ELOVL2: variants seen among roughly 807,000 people sequenced by gnomAD.
ELOVL2 encodes the protein ELOVL fatty acid elongase 2.
A neutral mutation model predicts 37.7 loss-of-function variants in ELOVL2; 38 were observed. That is an observed-to-expected ratio of 1.01 (90% confidence interval 0.78 to 1.32). The LOEUF is 1.32. Among genes scored for constraint, ELOVL2 ranks in the 40% most tolerant of loss-of-function variants. The probability of loss-of-function intolerance (pLI) is 0.00; values close to 1 mark genes in which losing one functional copy is unlikely to be tolerated. For missense variants in ELOVL2, 352 were observed against 363.6 expected, an observed-to-expected ratio of 0.97 and a Z score of 0.26; for synonymous variants, 115 against 122.3, an observed-to-expected ratio of 0.94 and a Z score of 0.40.
rs1311851257 is a variant in ELOVL2 at position 10,983,685 on chromosome 6, T to C, written c.*96A>G. 7.6e-7 allele frequency: 1 copy of C among 1,311,660 alleles called. No individual in the cohort carries two copies. The highest frequency in any genetic ancestry group is 1.0e-6 in the Non-Finnish European group (1 of 971,966). The allele number at this position is 1,311,660 out of a possible 1,614,324, so 81.3% of individuals were successfully genotyped here. A position where few individuals can be genotyped will look rare whatever the true frequency, so the allele number is the denominator to read the frequency against. On this transcript the variant is annotated 3_prime_UTR_variant, in exon 8 of 8. Coordinates refer to ENST00000354666, the MANE Select transcript of ELOVL2 (RefSeq NM_017770.4). ...AATGATTTATGAACTCAAAAGAAAT[T>C]AGTTTATCCTAAAACATGTAACCTT...
Position 11,041,067 on chromosome 6 carries a change from A to G in ELOVL2, c.3+3161T>C, listed in dbSNP as rs970253732. Among the ~76,000 whole-genome samples the G allele has an allele frequency of 2.6e-5, 4 of 152,220 alleles. No homozygotes were observed. In the South Asian group the frequency reaches 8.3e-4, roughly 31 times the overall value. The stretch of plus-strand genomic sequence containing the variant: ...AAGAAGAAAAGCTACAAATGCGTGA[A>G]TCTGTAACTGTAGAATTACTATGAG... On this transcript the variant is annotated intron_variant, in intron 1 of 7. Coordinates refer to ENST00000354666, the MANE Select transcript of ELOVL2 (RefSeq NM_017770.4).
chr6:11,006,098 C>T (rs1159706513), intron 2 of ELOVL2, among the ~76,000 whole-genome samples: 3 of 152,158 alleles, frequency 2.0e-5, no homozygotes, highest in Non-Finnish European at 4.4e-5. Flanking sequence ...CTAAAGCCCA[C>T]ACAGCTCCGA....
At chr6:10,994,604 T>C (rs933703586) in intron 5 of ELOVL2, among the ~76,000 whole-genome samples, 1 of 152,172 alleles carries the variant, frequency 6.6e-6, no homozygotes, top group Non-Finnish European at 1.5e-5. Flanking sequence ...TTTTTCAGAA[T>C]GTGAAAACAA....
intron 3 of ELOVL2, among the ~76,000 whole-genome samples, chr6:11,000,719 T>C (rs1782365293): frequency 6.6e-6 from 1 of 152,216 alleles, no homozygotes; most frequent in Admixed American, 6.5e-5. Context: ...TCCCCATTAC[T>C]CTCAAAAACC....
chr6:11,029,067 A>C (rs1236541817), intron 1 of ELOVL2, among the ~76,000 whole-genome samples: 2 of 85,928 alleles, frequency 2.3e-5, no homozygotes, highest in African/African-American at 9.5e-5. Flanking sequence ...CAAAAAAAAA[A>C]AAAAAAAAAA....
intron 5 of ELOVL2, among the ~76,000 whole-genome samples, chr6:10,992,204 C>T (rs936708849): frequency 6.6e-6 from 1 of 152,186 alleles, no homozygotes; most frequent in Admixed American, 6.5e-5. Flanking sequence ...AATTTCCTCC[C>T]TCACTCTAGT....
intron 1 of ELOVL2, among the ~76,000 whole-genome samples, chr6:11,017,162 A>C (rs887349848): frequency 2.0e-5 from 3 of 152,216 alleles, no homozygotes; most frequent in Admixed American, 6.5e-5. Flanking sequence ...TTAATAAGCT[A>C]ACCCTCATGG....
chr6:11,030,263 G>T (rs890911614), intron 1 of ELOVL2, among the ~76,000 whole-genome samples: 1 of 152,126 alleles, frequency 6.6e-6, no homozygotes, highest in African/African-American at 2.4e-5. Context: ...CAAGAAGGAA[G>T]GATTAGGGTC....
At position 10,980,918 on chromosome 6, in the gene ELOVL2, C is replaced by A. The variant is rs1265599178; in HGVS notation, c.*2863G>T. 6.6e-6 allele frequency: 1 copy of A among 152,542 alleles called. No homozygotes were observed. The highest frequency in any genetic ancestry group is 1.5e-5 in the Non-Finnish European group (1 of 68,028). 9.4% of individuals were successfully genotyped at this position (152,542 alleles called of 1,614,324 possible). ...GAAAACAAAGCGATATCCATATTTT[C>A]CAAACAAGGAAGCCCCCAGACACAT... On this transcript the variant is annotated 3_prime_UTR_variant, in exon 8 of 8. Coordinates refer to ENST00000354666, the MANE Select transcript of ELOVL2 (RefSeq NM_017770.4).
chr6:10,986,607 C>A lies in ELOVL2; in HGVS notation c.766-2701G>T, dbSNP rs1352715501. ...CCTTTTCTGCATCTATTGAGATAATCATGTGGTTTTTGTCTTTGGTTCTGT... is the reference window on the plus strand; with the variant it reads ...CCTTTTCTGCATCTATTGAGATAATAATGTGGTTTTTGTCTTTGGTTCTGT... On this transcript the variant is annotated intron_variant, in intron 7 of 7. Coordinates refer to ENST00000354666, the MANE Select transcript of ELOVL2 (RefSeq NM_017770.4). Among the ~76,000 whole-genome samples, 8 of 152,162 alleles carry A rather than the reference C, an allele frequency of 5.3e-5. No homozygotes were observed. The South Asian group carries it at 1.5e-3, about 28-fold the overall frequency.
intron 1 of ELOVL2, among the ~76,000 whole-genome samples, chr6:11,018,800 A>C (rs1782721748): frequency 6.6e-6 from 1 of 152,234 alleles, no homozygotes; most frequent in Non-Finnish European, 1.5e-5. Context: ...TCTAAAAATC[A>C]ACCAAGTATT....
intron 1 of ELOVL2, among the ~76,000 whole-genome samples, chr6:11,035,928 T>C (rs1010561444): frequency 6.6e-6 from 1 of 152,198 alleles, no homozygotes; most frequent in African/African-American, 2.4e-5. Flanking sequence ...AATGAGTGTA[T>C]CTAATCAAAA....
chr6:11,038,847 TTTTAAA>T (rs1381191856), intron 1 of ELOVL2, among the ~76,000 whole-genome samples: 4 of 152,222 alleles, frequency 2.6e-5, no homozygotes, highest in African/African-American at 9.6e-5. Flanking sequence ...AATTAAATAA[TTTTAAA>T]TTTATCAAGA....
intron 1 of ELOVL2, among the ~76,000 whole-genome samples, chr6:11,033,372 T>G (rs1782961489): frequency 6.6e-6 from 1 of 152,194 alleles, no homozygotes; most frequent in African/African-American, 2.4e-5. Flanking sequence ...TTTTCATAAC[T>G]GAAATAATGA....
chr6:10,985,331 C>G (rs1042277583), intron 7 of ELOVL2, among the ~76,000 whole-genome samples: 5 of 151,830 alleles, frequency 3.3e-5, no homozygotes, highest in Non-Finnish European at 4.4e-5. Flanking sequence ...CTCTGATGGT[C>G]GTTTCTTTTG....
intron 1 of ELOVL2, among the ~76,000 whole-genome samples, chr6:11,035,218 C>A (rs1043084866): frequency 9.2e-5 from 14 of 152,080 alleles, no homozygotes; most frequent in African/African-American, 3.4e-4. Flanking sequence ...TCCCTACATA[C>A]CAAAATCCAA....
rs1783133481 is a variant in ELOVL2 at position 11,043,404 on chromosome 6, A to AAACACACAC, written c.3+823_3+824insGTGTGTGTT. The stretch of plus-strand genomic sequence containing the variant: ...TCAGGCAGTTCATCGGACACGGGTG[A>AAACACACAC]ACACACACACACACACACACACACA... On this transcript the variant is annotated intron_variant, in intron 1 of 7. Coordinates refer to ENST00000354666, the MANE Select transcript of ELOVL2 (RefSeq NM_017770.4). 6.1e-5 allele frequency: 7 copies of AAACACACAC among 115,084 alleles called. No individual in the cohort carries two copies. In the South Asian group the frequency reaches 2.4e-3, roughly 40 times the overall value. The allele number at this position is 115,084 out of a possible 1,614,324, so 7.1% of individuals were successfully genotyped here. A position where few individuals can be genotyped will look rare whatever the true frequency, so the allele number is the denominator to read the frequency against.
intron 1 of ELOVL2, among the ~76,000 whole-genome samples, chr6:11,040,034 A>C (rs1317209190): frequency 6.6e-6 from 1 of 152,200 alleles, no homozygotes; most frequent in Non-Finnish European, 1.5e-5. Flanking sequence ...AATGGTGGAA[A>C]GGGGGCTCAA....
At chr6:11,011,365 C>CA (rs199986191) in intron 1 of ELOVL2, among the ~76,000 whole-genome samples, 3,356 of 108,994 alleles carry the variant, frequency 0.031, 137 homozygotes, top group East Asian at 0.23. Flanking sequence ...GACTCTGTCT[C>CA]AAAAAAAAAA....
Sources: allele counts gnomAD v4.1 joint callset (sites outside exome capture counted in the v4.1 genomes callset), GRCh38; gene constraint gnomAD v4.1.1; transcripts MANE v1.5; gene names NCBI Gene and HGNC (gene_info 2026-07-23, HGNC 2026-07-21).